Variants in LRP5 observed in about 807,000 individuals in gnomAD.
The protein encoded by LRP5 is LDL receptor related protein 5, also known as low-density lipoprotein receptor-related protein 5.
In LRP5, 62 loss-of-function variants were observed where a neutral mutation model predicts 154.1. The ratio of observed to expected loss-of-function variants is 0.40; its 90% CI spans 0.33 to 0.50. The LOEUF is 0.50. Among genes scored for constraint, LRP5 ranks in the 20% least tolerant of loss-of-function variants. The pLI is 0.55. For synonymous variants in LRP5, 966 were observed against 1,011.5 expected (o/e 0.96, Z 0.85); for missense variants, 1,915 against 2,336.7 (o/e 0.82, Z 3.72).
At position 68,437,191 on chromosome 11, in the gene LRP5, G is replaced by C. The variant is rs535790964; in HGVS notation, c.4111+192G>C. ...CGGCCAGGAGGACAGACTGTGAGCT[G>C]TGGGCTCGGCGGCTACAGAGTCTGC... On this transcript the variant is annotated intron_variant, in intron 19 of 22. Coordinates refer to ENST00000294304, the MANE Select transcript of LRP5 (RefSeq NM_002335.4). Among the ~76,000 whole-genome samples, 78 of 152,336 alleles carry C rather than the reference G, an allele frequency of 5.1e-4. 1 individual carries two copies. The highest frequency in any genetic ancestry group is 1.8e-3 in the African/African-American group (76 of 41,584).
At chr11:68,306,473 G>A in the LRP5 span, among the ~76,000 whole-genome samples, 2 of 152,202 alleles carry the variant, frequency 1.3e-5, no homozygotes, top group Admixed American at 6.5e-5. Flanking sequence ...GTCCTTGGAT[G>A]CAGGGTCCAC....
intron 9 of LRP5, among the ~76,000 whole-genome samples, chr11:68,409,180 A>G (rs2098657837): frequency 7.4e-6 from 1 of 135,024 alleles, no homozygotes; most frequent in Admixed American, 8.2e-5. Flanking sequence ...TATATTTATA[A>G]ATAAAATTTA....
At chr11:68,440,577 G>A (rs1425375612) in intron 21 of LRP5, among the ~76,000 whole-genome samples, 1 of 152,190 alleles carries the variant, frequency 6.6e-6, no homozygotes, top group African/African-American at 2.4e-5. Context: ...ACTCCTGAGT[G>A]TAAACAGCGG....
At chr11:68,397,972 T>TGTG (rs2098650381) in intron 7 of LRP5, among the ~76,000 whole-genome samples, 91 of 142,188 alleles carry the variant, frequency 6.4e-4, no homozygotes, top group African/African-American at 2.2e-3. Context: ...CTGTGTGTGT[T>TGTG]TGTGTGTGTG....
intron 13 of LRP5, among the ~76,000 whole-genome samples, chr11:68,421,517 C>T (rs1215116635): frequency 6.6e-6 from 1 of 152,176 alleles, no homozygotes; most frequent in Non-Finnish European, 1.5e-5. Context: ...TGTACCAGTC[C>T]AGGGTCCACA....
intron 21 of LRP5, among the ~76,000 whole-genome samples, chr11:68,443,218 T>C (rs547043361): frequency 7.2e-5 from 11 of 152,068 alleles, no homozygotes; most frequent in African/African-American, 2.7e-4. Context: ...TTAAGAACCT[T>C]TGGGCCCAGC....
intron 1 of LRP5, among the ~76,000 whole-genome samples, chr11:68,339,086 C>T (rs1380808555): frequency 6.6e-6 from 1 of 151,912 alleles, no homozygotes; most frequent in Non-Finnish European, 1.5e-5. Context: ...GTTGCCCAGG[C>T]TGCTCTCAAA....
intron 17 of LRP5, among the ~76,000 whole-genome samples, chr11:68,432,459 C>T (rs1329075939): frequency 1.3e-5 from 2 of 152,230 alleles, no homozygotes; most frequent in African/African-American, 2.4e-5. Flanking sequence ...TACCCTAGAA[C>T]TCTCGTCTTT....
chr11:68,343,778 G>A (rs2098610519), intron 1 of LRP5, among the ~76,000 whole-genome samples: 3 of 152,168 alleles, frequency 2.0e-5, no homozygotes, highest in Non-Finnish European at 4.4e-5. Context: ...GGCCCCAGGA[G>A]CTCCTGCATC....
At chr11:68,403,725 G>A (rs763142914) in intron 8 of LRP5, 26 bp downstream of exon 8, 1 of 1,612,084 alleles carries the variant, frequency 6.2e-7, no homozygotes, top group Admixed American at 1.7e-5. Flanking sequence ...CCCAAGCCAT[G>A]GCTCAGCCAT....
chr11:68,432,299 G>T (rs1044426800), intron 17 of LRP5, among the ~76,000 whole-genome samples: 1 of 152,146 alleles, frequency 6.6e-6, no homozygotes, highest in African/African-American at 2.4e-5. Context: ...GCCCCATGTC[G>T]CCCTCAACCT....
intron 3 of LRP5, among the ~76,000 whole-genome samples, chr11:68,362,691 C>CAA (rs773798166): frequency 2.4e-5 from 2 of 84,246 alleles, no homozygotes; most frequent in Admixed American, 1.3e-4. Context: ...ACCCCATCTC[C>CAA]AAAAAAAAAA....
chr11:68,380,526 GACA>G (rs2098639716), intron 5 of LRP5, among the ~76,000 whole-genome samples: 1 of 152,210 alleles, frequency 6.6e-6, no homozygotes, highest in South Asian at 2.1e-4. Context: ...AACCACTGTT[GACA>G]TTTGAGCGCG....
In LRP5 at chr11:68,357,620, G is replaced by C. The variant is rs1395111816; in HGVS notation, c.489-30G>C. On this transcript the variant is annotated intron_variant, in intron 2 of 22. Transcript: ENST00000294304. The stretch of plus-strand genomic sequence containing the variant: ...AAAAACAAAAAACAGATCTGTGTTA[G>C]CTGCTTCTCTTGCCCTGCCCCCGTC... The C allele has an allele frequency of 4.4e-6, 7 of 1,604,712 alleles. No individual in the cohort carries two copies. In the African/African-American group the frequency reaches 9.4e-5, roughly 21 times the overall value.
chr11:68,302,283 T>C, the LRP5 span, among the ~76,000 whole-genome samples: 1 of 144,590 alleles, frequency 6.9e-6, no homozygotes, highest in African/African-American at 2.6e-5. Context: ...AAGGCAGAGG[T>C]TGCAGTGAGC....
At chr11:68,354,817 C>T (rs1233805449) in intron 2 of LRP5, among the ~76,000 whole-genome samples, 1 of 152,184 alleles carries the variant, frequency 6.6e-6, no homozygotes, top group African/African-American at 2.4e-5. Context: ...TAGCAATTCC[C>T]ACCTTCCCTT....
At position 68,438,499 on chromosome 11, in the gene LRP5, C is replaced by T. The variant is rs756857023; in HGVS notation, c.4165C>T (p.Pro1389Ser). The T allele has an allele frequency of 6.2e-7, 1 of 1,614,244 alleles. No homozygotes were observed. Among genetic ancestry groups the T allele is most frequent in the Non-Finnish European group, 8.5e-7 (1 of 1,180,050 alleles). Reference sequence around the variant, plus strand: ...CCCGGCCCACAGCAGTGCCATCGGGCCCGTCATTGGCATCATCCTCTCTCT... The same window carrying T: ...CCCGGCCCACAGCAGTGCCATCGGGTCCGTCATTGGCATCATCCTCTCTCT... ...DSPAHSSAIG[P>S]VIGIILSLFV... The change falls in exon 20 of 23, where the codon CCC becomes TCC. Residue 1389 changes from proline to serine, a missense_variant. Physicochemically the swap from Pro to Ser is moderately conservative, Grantham distance 74. Around this residue, in one of 3 missense-constraint regions of LRP5, gnomAD observed 1,094 missense variants for 1,210.1 expected, o/e 0.90. Transcript: ENST00000294304.
intron 7 of LRP5, among the ~76,000 whole-genome samples, chr11:68,398,009 TTTGC>T (rs999164130): frequency 5.3e-5 from 8 of 150,800 alleles, no homozygotes; most frequent in Non-Finnish European, 1.0e-4. Flanking sequence ...TGTGTGTGTG[TTTGC>T]GTGCGCGCAC....
intron 5 of LRP5, 68 bp downstream of exon 5, chr11:68,365,770 C>CG (rs1325772528): frequency 7.0e-7 from 1 of 1,434,292 alleles, no homozygotes; most frequent in Non-Finnish European, 9.3e-7. Context: ...TTGCGGCCGC[C>CG]GGGGGTGCCC....
Sources: allele counts gnomAD v4.1 joint callset (sites outside exome capture counted in the v4.1 genomes callset), GRCh38; gene constraint gnomAD v4.1.1; regional missense constraint gnomAD v4.1.1; transcripts MANE v1.5; gene names NCBI Gene and HGNC (gene_info 2026-07-23, HGNC 2026-07-21).